The following SLC5A8 variants were observed in gnomAD, a reference collection of about 807,000 sequenced individuals.
The protein encoded by SLC5A8 is solute carrier family 5 member 8, also known as sodium-coupled monocarboxylate transporter 1.
Under a neutral mutation model 71.9 loss-of-function variants are expected in SLC5A8, and 55 were observed. The observed-to-expected ratio is 0.77, with a 90% CI of 0.62 to 0.96. The LOEUF (loss-of-function observed/expected upper bound fraction) is 0.96. Among genes scored for constraint, SLC5A8 ranks in the 40% least tolerant of loss-of-function variants. SLC5A8 has a pLI of 0.00. For missense variants in SLC5A8, 701 were observed against 745.3 expected, an observed-to-expected ratio of 0.94 and a Z score of 0.69; for synonymous variants, 307 against 276.1, an observed-to-expected ratio of 1.11 and a Z score of -1.11.
chr12:101,206,814 C>A (rs1869698748), intron 1 of SLC5A8, among the ~76,000 whole-genome samples: 2 of 152,146 alleles, frequency 1.3e-5, no homozygotes, highest in Admixed American at 1.3e-4. Context: ...CCAGAAGGAT[C>A]TTGAAGAATT....
intron 5 of SLC5A8, among the ~76,000 whole-genome samples, chr12:101,192,811 CA>C (rs1320054851): frequency 6.6e-6 from 1 of 151,744 alleles, no homozygotes; most frequent in Non-Finnish European, 1.5e-5. Flanking sequence ...TATAGATTGC[CA>C]GGGCAATATC....
At chr12:101,168,616 C>T (rs1217657660) in intron 10 of SLC5A8, among the ~76,000 whole-genome samples, 4 of 152,098 alleles carry the variant, frequency 2.6e-5, no homozygotes, top group Non-Finnish European at 4.4e-5. Flanking sequence ...AACCCATTTG[C>T]CATTCCTGAT....
In SLC5A8 at chr12:101,202,220, G is replaced by T. The variant is rs377671306; in HGVS notation, c.418-5C>A. ...AACAATTCCAGTATACAGAATCTAG[G>T]GGGGAGAAAGAAAGCCAAATGAATT... On this transcript the variant is annotated splice_region_variant and splice_polypyrimidine_tract_variant and intron_variant, in intron 2 of 14. Transcript: ENST00000536262. 28 of 1,565,414 alleles carry T rather than the reference G, an allele frequency of 1.8e-5. No individual in the cohort carries two copies. Among genetic ancestry groups the T allele is most frequent in the East Asian group, 2.4e-5 (1 of 41,296 alleles).
Position 101,162,006 on chromosome 12 carries a change from A to G in SLC5A8, c.1598T>C (p.Leu533Ser), listed in dbSNP as rs376539548. The change falls in exon 13 of 15, where the codon TTA becomes TCA. Residue 533 changes from leucine to serine, a missense_variant. Transcript: ENST00000536262. ...TAAACTGACAAGTATCCCCACTAAT[A>G]ATGTTACCAAAGTTCCAACAGTGCT... ...YFSTVGTLVT[L>S]LVGILVSLST... 5.0e-6 allele frequency: 8 copies of G among 1,613,266 alleles called. No individual in the cohort carries two copies. The highest frequency in any genetic ancestry group is 5.9e-6 in the Non-Finnish European group (7 of 1,179,460).
At chr12:101,192,713 A>G (rs1868966621) in intron 5 of SLC5A8, among the ~76,000 whole-genome samples, 2 of 152,232 alleles carry the variant, frequency 1.3e-5, no homozygotes, top group African/African-American at 4.8e-5. Context: ...TCTAGAAATA[A>G]TACTTCATAT....
rs555404331 is a variant in SLC5A8 at position 101,204,535 on chromosome 12, G to A, written c.382C>T (p.Arg128Cys). The A allele has an allele frequency of 3.0e-5, 48 of 1,597,404 alleles. No individual in the cohort carries two copies. In the East Asian group the frequency reaches 7.0e-4, roughly 23 times the overall value. The change falls in exon 2 of 15, where the codon CGT becomes TGT. Residue 128 changes from arginine (R) to cysteine (C), a missense_variant. Arg to Cys is a radical substitution (Grantham distance 180). Transcript: ENST00000536262. ...YLELRFNKCV[R>C]LCGTVLFIVQ... ...ATGAAGAGGACTGTTCCACAGAGAC[G>A]AACACATTTGTTAAATCGAAGTTCT...
Position 101,202,223 on chromosome 12 carries a change from G to A in SLC5A8, c.418-8C>T. 1 of 1,552,752 alleles carries A rather than the reference G, an allele frequency of 6.4e-7. No homozygotes were observed. Among genetic ancestry groups the A allele is most frequent in the Non-Finnish European group, 8.7e-7 (1 of 1,153,728 alleles). The stretch of plus-strand genomic sequence containing the variant: ...AATTCCAGTATACAGAATCTAGGGG[G>A]GAGAAAGAAAGCCAAATGAATTATA... On this transcript the variant is annotated splice_region_variant and splice_polypyrimidine_tract_variant and intron_variant, in intron 2 of 14. Coordinates refer to ENST00000536262, the MANE Select transcript of SLC5A8 (RefSeq NM_145913.5).
chr12:101,200,780 A>G (rs1869426752), intron 3 of SLC5A8, among the ~76,000 whole-genome samples: 1 of 152,172 alleles, frequency 6.6e-6, no homozygotes, highest in African/African-American at 2.4e-5. Context: ...ATATTAACAT[A>G]GAGTGATGAA....
Position 101,162,023 on chromosome 12 carries a change from A to G in SLC5A8, c.1581T>C (p.Val527=), listed in dbSNP as rs754175780. ...CCACTAATAATGTTACCAAAGTTCCAACAGTGCTGAAGTACAGATATGATA... is the reference window on the plus strand; with the variant it reads ...CCACTAATAATGTTACCAAAGTTCCGACAGTGCTGAAGTACAGATATGATA... ...YSLSYLYFST[V]GTLVTLLVGI... The change falls in exon 13 of 15, where the codon GTT becomes GTC. Residue 527 remains valine (V), a synonymous_variant. Coordinates refer to ENST00000536262, the MANE Select transcript of SLC5A8 (RefSeq NM_145913.5). 58 of 1,613,740 alleles carry G rather than the reference A, an allele frequency of 3.6e-5. No homozygotes were observed. Among genetic ancestry groups the G allele is most frequent in the Non-Finnish European group, 4.8e-5 (57 of 1,179,858 alleles).
At position 101,157,274 on chromosome 12, in the gene SLC5A8, C is replaced by T; in HGVS notation, c.*5G>A. The T allele has an allele frequency of 6.2e-7, 1 of 1,611,126 alleles. No homozygotes were observed. On this transcript the variant is annotated 3_prime_UTR_variant, in exon 15 of 15. Transcript: ENST00000536262. ...CATTTAAGGATATCTAGTATCAGAG[C>T]AGCTTCACAAACGAGTCCCATTGCT...
chr12:101,179,912 CCA>C, intron 10 of SLC5A8, 115 bp downstream of exon 10: 1 of 1,021,384 alleles, frequency 9.8e-7, no homozygotes, highest in Non-Finnish European at 1.5e-6. Flanking sequence ...GTCATCCCTG[CCA>C]CTTGATATGT....
chr12:101,158,594 C>CTA (rs1566303459), intron 13 of SLC5A8, among the ~76,000 whole-genome samples: 31 of 21,284 alleles, frequency 1.5e-3, no homozygotes, highest in Admixed American at 2.2e-3. Context: ...CTCTCTCTCT[C>CTA]TCTCTATATA....
chr12:101,202,265 TGA>T, intron 2 of SLC5A8, 50 bp from the exon 3 acceptor site: 1 of 1,445,282 alleles, frequency 6.9e-7, no homozygotes, highest in Non-Finnish European at 9.3e-7. Flanking sequence ...ATAAAATTCA[TGA>T]ATTACGTCTG....
intron 10 of SLC5A8, among the ~76,000 whole-genome samples, chr12:101,173,469 A>G (rs1357347649): frequency 1.3e-5 from 2 of 152,204 alleles, no homozygotes; most frequent in Non-Finnish European, 2.9e-5. Flanking sequence ...CAGCACACCC[A>G]GGATCATCAT....
intron 13 of SLC5A8, among the ~76,000 whole-genome samples, chr12:101,160,624 G>A (rs910078414): frequency 6.6e-6 from 1 of 152,088 alleles, no homozygotes; most frequent in Non-Finnish European, 1.5e-5. Context: ...CACCAACTCC[G>A]CACTACCCCG....
At chr12:101,192,111 G>C (rs934271327) in intron 5 of SLC5A8, among the ~76,000 whole-genome samples, 3 of 152,092 alleles carry the variant, frequency 2.0e-5, no homozygotes, top group African/African-American at 4.8e-5. Flanking sequence ...GTTTGCTTTG[G>C]GGAAACTACC....
intron 2 of SLC5A8, among the ~76,000 whole-genome samples, chr12:101,204,132 G>A (rs188512528): frequency 6.6e-6 from 1 of 152,238 alleles, no homozygotes; most frequent in African/African-American, 2.4e-5. Flanking sequence ...CATGCTACTT[G>A]TTTTCCTTTT....
intron 12 of SLC5A8, 129 bp downstream of exon 12, chr12:101,166,365 C>T: frequency 1.5e-6 from 1 of 670,608 alleles, no homozygotes; most frequent in Non-Finnish European, 2.4e-6. Context: ...TATAGCTAAC[C>T]ACATGGGTTT....
chr12:101,185,707 T>C (rs1377715052), intron 7 of SLC5A8, among the ~76,000 whole-genome samples: 1 of 152,144 alleles, frequency 6.6e-6, no homozygotes, highest in Non-Finnish European at 1.5e-5. Flanking sequence ...GCCTCCTGTG[T>C]AGCTGGGATT....
Sources: gnomAD v4.1 joint callset for allele counts (sites outside exome capture counted in the v4.1 genomes callset) on GRCh38, gnomAD v4.1.1 for gene constraint, MANE v1.5 for transcripts, NCBI Gene and HGNC (gene_info 2026-07-23, HGNC 2026-07-21) for gene names.